Variants in DMD observed in about 807,000 individuals in gnomAD.
DMD encodes the protein dystrophin, also known as mutant dystrophin.
In DMD, 63 loss-of-function variants were observed where a neutral mutation model predicts 330.1. The ratio of observed to expected loss-of-function variants is 0.19; its 90% CI spans 0.16 to 0.24. The LOEUF (loss-of-function observed/expected upper bound fraction) is 0.24, where lower values mean the gene tolerates loss of function less well. Among genes scored for constraint, DMD ranks in the 10% least tolerant of loss-of-function variants. The pLI, the probability that DMD is intolerant of heterozygous loss-of-function variation, is 1.00. For missense variants in DMD, 3,344 were observed against 2,684.1 expected (o/e 1.25, Z -5.43); for synonymous variants, 1,223 against 959.8 (o/e 1.27, Z -5.07).
At chrX:31,812,725 T>C (rs1569444585) in intron 50 of DMD, among the ~76,000 whole-genome samples, 1 of 111,944 alleles carries the variant, frequency 8.9e-6, no homozygotes, top group Non-Finnish European at 1.9e-5. Flanking sequence ...CACTGATTAA[T>C]AGCATAAGCT....
At chrX:31,318,435 C>T (rs1323561553) in intron 62 of DMD, among the ~76,000 whole-genome samples, 3 of 112,378 alleles carry the variant, frequency 2.7e-5, no homozygotes, top group Admixed American at 9.4e-5. Flanking sequence ...GCACAAACAG[C>T]AACAGTAACA....
intron 57 of DMD, among the ~76,000 whole-genome samples, chrX:31,493,499 G>A (rs2069515429): frequency 9.0e-6 from 1 of 111,626 alleles, no homozygotes; most frequent in Non-Finnish European, 1.9e-5. Context: ...TGAGACAGAG[G>A]ACCAACATAT....
At chrX:32,214,113 G>A (rs1441953086) in intron 44 of DMD, among the ~76,000 whole-genome samples, 1 of 110,190 alleles carries the variant, frequency 9.1e-6, no homozygotes, top group Admixed American at 9.7e-5. Flanking sequence ...ATTGTGTAAT[G>A]TTAATGTATT....
intron 1 of DMD, among the ~76,000 whole-genome samples, chrX:33,026,149 C>G (rs1165310376): frequency 9.3e-6 from 1 of 107,612 alleles, no homozygotes; most frequent in Non-Finnish European, 1.9e-5. Flanking sequence ...TCCTGGCTAA[C>G]ACGGTGAAAC....
chrX:31,992,229 G>A (rs1457756928), intron 44 of DMD, among the ~76,000 whole-genome samples: 2 of 111,999 alleles, frequency 1.8e-5, no homozygotes, highest in African/African-American at 3.2e-5. Context: ...ATTTATGTTG[G>A]AATGACTTAC....
At chrX:32,611,425 T>A (rs1602141741) in intron 12 of DMD, among the ~76,000 whole-genome samples, 1 of 111,754 alleles carries the variant, frequency 8.9e-6, no homozygotes, top group East Asian at 2.8e-4. Context: ...TTTCACATTT[T>A]TTCTTCAAGG....
At chrX:32,736,992 C>T (rs973375235) in intron 7 of DMD, among the ~76,000 whole-genome samples, 4 of 110,678 alleles carry the variant, frequency 3.6e-5, no homozygotes, top group South Asian at 7.6e-4. Context: ...ACATATATAT[C>T]CAAATATTCA....
At chrX:32,309,901 C>A (rs1026374412) in intron 42 of DMD, among the ~76,000 whole-genome samples, 181 bp downstream of exon 42, 3 of 110,992 alleles carry the variant, frequency 2.7e-5, no homozygotes, top group Non-Finnish European at 5.7e-5. Flanking sequence ...AATACATTTT[C>A]TAACTTATGT....
chrX:31,828,519 C>G (rs1373723843), intron 49 of DMD, among the ~76,000 whole-genome samples: 1 of 109,510 alleles, frequency 9.1e-6, no homozygotes, highest in African/African-American at 3.3e-5. Context: ...CAAAAATTAG[C>G]TGGGCGTGGT....
intron 12 of DMD, among the ~76,000 whole-genome samples, chrX:32,610,419 G>T (rs1476915536): frequency 3.6e-5 from 4 of 111,195 alleles, no homozygotes; most frequent in Non-Finnish European, 3.8e-5. Context: ...CAGTAAAAGT[G>T]ACTTATCTTC....
chrX:31,262,376 TA>T (rs201127843), intron 62 of DMD, among the ~76,000 whole-genome samples: 2 of 111,616 alleles, frequency 1.8e-5, no homozygotes, highest in Non-Finnish European at 3.8e-5. Context: ...CACCTATGTT[TA>T]AAAAAAATAA....
chrX:31,618,752 G>T (rs979313782), intron 55 of DMD, among the ~76,000 whole-genome samples: 11 of 111,758 alleles, frequency 9.8e-5, no homozygotes, highest in African/African-American at 3.6e-4. Context: ...GAAAATTTTT[G>T]AGCGCCGACA....
chrX:33,034,992 C>A (rs915006058), intron 1 of DMD, among the ~76,000 whole-genome samples: 2 of 111,356 alleles, frequency 1.8e-5, no homozygotes, highest in Non-Finnish European at 3.8e-5. Flanking sequence ...ATGGAATAAA[C>A]CCCTAAAATT....
In DMD at chrX:31,484,919, T is replaced by C. The variant is rs980571674; in HGVS notation, c.8548-5816A>G. ...GTAGGTATATTTGTGGTGTATACTT[T>C]TATATTATGAATGTTTCATCCATGC... On this transcript the variant is annotated intron_variant, in intron 57 of 78. Transcript: ENST00000357033. Among the ~76,000 whole-genome samples the C allele has an allele frequency of 1.8e-5, 2 of 112,337 alleles. 1 individual carries two copies. Among genetic ancestry groups the C allele is most frequent in the African/African-American group, 6.5e-5 (2 of 30,954 alleles).
At chrX:31,677,752 C>G (rs1328785475) in intron 53 of DMD, among the ~76,000 whole-genome samples, 1 of 112,299 alleles carries the variant, frequency 8.9e-6, no homozygotes, top group African/African-American at 3.2e-5. Flanking sequence ...ATGTGGCTTT[C>G]TAACATCCTC....
intron 56 of DMD, among the ~76,000 whole-genome samples, chrX:31,505,749 T>C (rs932704786): frequency 1.8e-5 from 2 of 111,343 alleles, no homozygotes. Context: ...TTCTCCTGCC[T>C]CAGCCTCCTG....
chrX:32,966,073 C>T (rs899301418), intron 2 of DMD, among the ~76,000 whole-genome samples: 1 of 112,143 alleles, frequency 8.9e-6, no homozygotes, highest in Non-Finnish European at 1.9e-5. Context: ...AGGATTCTCA[C>T]TTGTCCAATG....
At chrX:32,348,615 G>A in intron 37 of DMD, 87 bp from the exon 38 acceptor site, 1 of 839,637 alleles carries the variant, frequency 1.2e-6, no homozygotes, top group Non-Finnish European at 1.7e-6. Flanking sequence ...TCAACCTCCT[G>A]TTGCTAAACT....
intron 44 of DMD, among the ~76,000 whole-genome samples, chrX:32,201,030 C>T (rs1187392328): frequency 8.9e-6 from 1 of 111,807 alleles, no homozygotes; most frequent in African/African-American, 3.3e-5. Context: ...GAGCTCACAA[C>T]ACCTGTAGCA....
Sources: allele counts gnomAD v4.1 joint callset (sites outside exome capture counted in the v4.1 genomes callset), GRCh38; gene constraint gnomAD v4.1.1; transcripts MANE v1.5; gene names NCBI Gene and HGNC (gene_info 2026-07-23, HGNC 2026-07-21).